RABGAP1L: variants seen among roughly 807,000 people sequenced by gnomAD.
The protein encoded by RABGAP1L is rab GTPase-activating protein 1-like.
In RABGAP1L, 63 loss-of-function variants were observed where a neutral mutation model predicts 137.7. That is an observed-to-expected ratio of 0.46 (90% CI 0.37 to 0.56). The LOEUF (loss-of-function observed/expected upper bound fraction) is 0.56. RABGAP1L is among the 20% of genes least tolerant of loss of function. The probability of loss-of-function intolerance (pLI) is 0.00; values close to 1 mark genes in which losing one functional copy is unlikely to be tolerated. For synonymous variants in RABGAP1L, 431 were observed against 433.7 expected, an observed-to-expected ratio of 0.99 and a Z score of 0.08; for missense variants, 1,095 against 1,244.0, an observed-to-expected ratio of 0.88 and a Z score of 1.80.
intron 19 of RABGAP1L, among the ~76,000 whole-genome samples, chr1:174,892,066 G>T (rs181664209): frequency 6.6e-6 from 1 of 152,236 alleles, no homozygotes; most frequent in East Asian, 1.9e-4. Flanking sequence ...CATGGTGGCC[G>T]CAGCGGTAGC....
intron 18 of RABGAP1L, among the ~76,000 whole-genome samples, chr1:174,805,200 C>T (rs1371370293): frequency 6.6e-6 from 1 of 152,134 alleles, no homozygotes; most frequent in East Asian, 1.9e-4. Flanking sequence ...AGGCAATTTG[C>T]TTAATTCATA....
intron 11 of RABGAP1L, among the ~76,000 whole-genome samples, chr1:174,334,971 C>T (rs759337788): frequency 6.6e-6 from 1 of 152,012 alleles, no homozygotes; most frequent in Non-Finnish European, 1.5e-5. Context: ...CAAACAGGAG[C>T]AAGTCACTGA....
At chr1:174,193,838 A>AT (rs1164290805) in intron 1 of RABGAP1L, among the ~76,000 whole-genome samples, 5 of 152,180 alleles carry the variant, frequency 3.3e-5, no homozygotes. Flanking sequence ...AAGGTGTAAA[A>AT]CATGATATTT....
chr1:174,983,312 A>C (rs2149389617), intron 24 of RABGAP1L, among the ~76,000 whole-genome samples: 1 of 152,250 alleles, frequency 6.6e-6, no homozygotes, highest in East Asian at 1.9e-4. Flanking sequence ...GCAATATAGA[A>C]CTTAGCTGGA....
At chr1:174,226,425 C>G (rs183294799) in intron 3 of RABGAP1L, among the ~76,000 whole-genome samples, 62 of 152,232 alleles carry the variant, frequency 4.1e-4, no homozygotes, top group Admixed American at 1.8e-3. Context: ...GTCCTCCGGT[C>G]GTTGCTTTTT....
intron 13 of RABGAP1L, among the ~76,000 whole-genome samples, chr1:174,444,185 A>AG (rs1332973576): frequency 2.7e-5 from 4 of 147,086 alleles, no homozygotes; most frequent in South Asian, 4.5e-4. Flanking sequence ...TACAAATTTT[A>AG]GGTTTTTTTT....
intron 14 of RABGAP1L, among the ~76,000 whole-genome samples, chr1:174,651,294 A>T (rs1187105575): frequency 6.6e-6 from 1 of 152,148 alleles, no homozygotes; most frequent in Admixed American, 6.5e-5. Context: ...TGTGGTGCTG[A>T]AAAGAATGTA....
chr1:174,903,231 C>T (rs1658431703), intron 19 of RABGAP1L, among the ~76,000 whole-genome samples: 1 of 152,216 alleles, frequency 6.6e-6, no homozygotes, highest in Non-Finnish European at 1.5e-5. Context: ...CATTTGCCTT[C>T]ACCTGGGTGC....
chr1:174,229,284 T>C (rs977792105), intron 3 of RABGAP1L, among the ~76,000 whole-genome samples: 1 of 152,206 alleles, frequency 6.6e-6, no homozygotes. Flanking sequence ...CAGTGAAGGA[T>C]CTTTACAGTC....
At chr1:174,839,695 T>A (rs1431013703) in intron 19 of RABGAP1L, among the ~76,000 whole-genome samples, 1 of 152,216 alleles carries the variant, frequency 6.6e-6, no homozygotes, top group Non-Finnish European at 1.5e-5. Flanking sequence ...CCTATTAGAT[T>A]TTGAGTTCCT....
At chr1:174,314,459 G>A (rs1558124591) in intron 11 of RABGAP1L, among the ~76,000 whole-genome samples, 1 of 151,902 alleles carries the variant, frequency 6.6e-6, no homozygotes, top group African/African-American at 2.4e-5. Context: ...GAAACCAGTG[G>A]TTTGTTTCAT....
At chr1:174,509,332 T>A (rs886927986) in intron 13 of RABGAP1L, among the ~76,000 whole-genome samples, 2 of 152,144 alleles carry the variant, frequency 1.3e-5, no homozygotes, top group Non-Finnish European at 2.9e-5. Flanking sequence ...TTAAAAACAT[T>A]CATTTTTCTT....
intron 14 of RABGAP1L, among the ~76,000 whole-genome samples, chr1:174,680,877 A>T (rs1678013582): frequency 6.6e-6 from 1 of 151,962 alleles, no homozygotes; most frequent in South Asian, 2.1e-4. Flanking sequence ...TCAGAGCCAG[A>T]CCCTGCCTCC....
chr1:174,336,811 G>T (rs373807821), intron 11 of RABGAP1L, among the ~76,000 whole-genome samples: 4 of 151,706 alleles, frequency 2.6e-5, no homozygotes, highest in East Asian at 3.9e-4. Flanking sequence ...ATCTTGGCAT[G>T]ATAGATGCTG....
At chr1:174,605,181 G>T (rs1026582892) in intron 13 of RABGAP1L, among the ~76,000 whole-genome samples, 13 of 151,244 alleles carry the variant, frequency 8.6e-5, no homozygotes, top group African/African-American at 2.9e-4. Flanking sequence ...ACAAACAAAC[G>T]AAACTCCTCC....
At chr1:174,489,547 G>GT (rs1391309164) in intron 13 of RABGAP1L, among the ~76,000 whole-genome samples, 1 of 151,450 alleles carries the variant, frequency 6.6e-6, no homozygotes, top group African/African-American at 2.4e-5. Context: ...TGGAGAGGAT[G>GT]TGGAGAAATA....
intron 18 of RABGAP1L, among the ~76,000 whole-genome samples, chr1:174,767,856 A>G (rs1165883318): frequency 6.6e-6 from 1 of 152,188 alleles, no homozygotes. Context: ...AGGCCTCACA[A>G]TCATGCCTGA....
rs540830689 is a variant in RABGAP1L, at chr1:174,174,815, G to T, written c.-34+15158G>T. 1.2e-4 allele frequency among the ~76,000 whole-genome samples: 19 copies of T among 152,298 alleles called. No homozygotes were observed. In the South Asian group the frequency reaches 2.9e-3, roughly 23 times the overall value. ...GTTTTATCTTATCCCCCAGCAGATT[G>T]GATGGTGCCTGCCCACACTGGGTAA... On this transcript the variant is annotated intron_variant, in intron 1 of 25. Transcript: ENST00000681986.
intron 13 of RABGAP1L, among the ~76,000 whole-genome samples, chr1:174,633,500 C>G (rs1473183051): frequency 2.6e-5 from 4 of 151,396 alleles, no homozygotes; most frequent in African/African-American, 9.7e-5. Flanking sequence ...ATCAAGCTAC[C>G]AATGACTTTC....
Sources: allele counts gnomAD v4.1 joint callset (sites outside exome capture counted in the v4.1 genomes callset), GRCh38; gene constraint gnomAD v4.1.1; transcripts MANE v1.5; gene names NCBI Gene and HGNC (gene_info 2026-07-23, HGNC 2026-07-21).